Variants in SEH1L observed in about 807,000 individuals in gnomAD.
SEH1L encodes the protein SEH1 like nucleoporin.
A neutral mutation model predicts 49.5 loss-of-function variants in SEH1L; 18 were observed. The ratio of observed to expected loss-of-function variants is 0.36; its 90% confidence interval spans 0.25 to 0.54. The LOEUF (loss-of-function observed/expected upper bound fraction) is 0.54, where lower values mean the gene tolerates loss of function less well. Among genes scored for constraint, SEH1L ranks in the 20% least tolerant of loss-of-function variants. SEH1L has a pLI of 0.87. For synonymous variants in SEH1L, 169 were observed against 178.1 expected, an observed-to-expected ratio of 0.95 and a Z score of 0.41; for missense variants, 404 against 528.8, an observed-to-expected ratio of 0.76 and a Z score of 2.31.
At chr18:12,949,304 T>C (rs1336780967) in intron 1 of SEH1L, among the ~76,000 whole-genome samples, 1 of 152,196 alleles carries the variant, frequency 6.6e-6, no homozygotes, top group Non-Finnish European at 1.5e-5. Flanking sequence ...TGAAGGATAG[T>C]TTATCCTTTT....
At chr18:12,957,769 A>G (rs1476807274) in intron 3 of SEH1L, among the ~76,000 whole-genome samples, 1 of 152,168 alleles carries the variant, frequency 6.6e-6, no homozygotes, top group Admixed American at 6.5e-5. Flanking sequence ...GCATGATACT[A>G]CGTTAGAGCC....
chr18:12,984,637 G>A (rs1217448238), intron 8 of SEH1L: 1 of 154,858 alleles, frequency 6.5e-6, no homozygotes, highest in African/African-American at 2.4e-5. Flanking sequence ...TTTGGCTTTT[G>A]TGTTTAAAAC....
intron 6 of SEH1L, among the ~76,000 whole-genome samples, chr18:12,981,023 A>T: frequency 6.8e-6 from 1 of 147,350 alleles, no homozygotes; most frequent in Non-Finnish European, 1.5e-5. Context: ...CACTTCTCAG[A>T]CGGTGTGGCT....
chr18:12,958,631 C>G (rs1186950415), intron 3 of SEH1L, among the ~76,000 whole-genome samples: 1 of 152,154 alleles, frequency 6.6e-6, no homozygotes, highest in Non-Finnish European at 1.5e-5. Flanking sequence ...GCTTATTTCA[C>G]TAAGTAAAAT....
chr18:12,956,462 AAAAAAG>A (rs1354240957), intron 3 of SEH1L, among the ~76,000 whole-genome samples: 1,533 of 150,894 alleles, frequency 0.01, 28 homozygotes, highest in African/African-American at 0.035. Flanking sequence ...ATCAAAAAAA[AAAAAAG>A]AAAAGAACAG....
At position 12,981,849 on chromosome 18, in the gene SEH1L, C is replaced by CTTTTTTTTTTTTTTTTTTTTTTTTTTT. The variant is rs1467685892; in HGVS notation, c.762-669_762-668insTTTTTTTTTTTTTTTTTTTTTTTTTTT. Among the ~76,000 whole-genome samples, 5 of 102,504 alleles carry CTTTTTTTTTTTTTTTTTTTTTTTTTTT rather than the reference C, an allele frequency of 4.9e-5. 2 individuals are homozygous for CTTTTTTTTTTTTTTTTTTTTTTTTTTT. The highest frequency in any genetic ancestry group is 3.7e-5 in the Non-Finnish European group (2 of 54,560). 67.2% of individuals were successfully genotyped at this position (102,504 alleles called of 152,430 possible). A position where few individuals can be genotyped will look rare whatever the true frequency, so the allele number is the denominator to read the frequency against. Reference sequence around the variant, plus strand: ...ATTCTTTCCTACTTGCTGCCCTGCCCATTTTTTTTTTTTTTTTTTTTTTTT... The same window carrying CTTTTTTTTTTTTTTTTTTTTTTTTTTT: ...ATTCTTTCCTACTTGCTGCCCTGCCCTTTTTTTTTTTTTTTTTTTTTTTTTTTATTTTTTTTTTTTTTTTTTTTTTTT... On this transcript the variant is annotated intron_variant, in intron 6 of 8. Coordinates refer to ENST00000399892, the MANE Select transcript of SEH1L (RefSeq NM_001013437.2).
intron 2 of SEH1L, among the ~76,000 whole-genome samples, chr18:12,953,001 C>G (rs1031790991): frequency 6.6e-6 from 1 of 152,146 alleles, no homozygotes. Context: ...AGGCTGGTCT[C>G]GAACTCCTGA....
chr18:12,956,473 G>T (rs1489326231), intron 3 of SEH1L, among the ~76,000 whole-genome samples: 1 of 142,540 alleles, frequency 7.0e-6, no homozygotes, highest in Non-Finnish European at 1.5e-5. Flanking sequence ...AAAAAGAAAA[G>T]AACAGATACT....
At chr18:12,981,327 C>G (rs1390056036) in intron 6 of SEH1L, among the ~76,000 whole-genome samples, 1 of 152,188 alleles carries the variant, frequency 6.6e-6, no homozygotes, top group Non-Finnish European at 1.5e-5. Context: ...GCTGCAATCT[C>G]GGCACTTTGG....
Position 12,963,379 on chromosome 18 carries a change from T to TACATATTAAACCTCTGATA in SEH1L, c.521+13_521+31dup, listed in dbSNP as rs776887211. On this transcript the variant is annotated intron_variant, in intron 4 of 8. Coordinates refer to ENST00000399892, the MANE Select transcript of SEH1L (RefSeq NM_001013437.2). ...TTCTTGGAACCCTTCAAGGTAAGTT[T>TACATATTAAACCTCTGATA]ACATATTAAACCTCTGATAACATCC... 5.6e-6 allele frequency: 9 copies of TACATATTAAACCTCTGATA among 1,603,918 alleles called. No individual in the cohort carries two copies. In the Admixed American group the frequency reaches 8.3e-5, roughly 15 times the overall value.
chr18:12,985,601 A>G (rs8566), intron 8 of SEH1L: 3 of 1,043,908 alleles, frequency 2.9e-6, no homozygotes, highest in Non-Finnish European at 3.5e-6. Context: ...GAGGAGGGGA[A>G]TACCACTTTA....
At position 12,963,244 on chromosome 18, in the gene SEH1L, A is replaced by G. The variant is rs774876682; in HGVS notation, c.394A>G (p.Thr132Ala). ...CAAGCACATGGGTCTTATGTTAGCA[A>G]CCTGTTCCGCAGATGGTATAGTAAG... is the stretch of plus-strand genomic sequence containing the variant. ...APKHMGLMLA[T>A]CSADGIVRIY... is the part of the protein sequence containing the mutation. The change falls in exon 4 of 9, where the codon ACC becomes GCC. Residue 132 changes from threonine (T) to alanine (A), a missense_variant. By Grantham distance (58) the Thr-to-Ala change is moderately conservative. Coordinates refer to ENST00000399892, the MANE Select transcript of SEH1L (RefSeq NM_001013437.2). 5.6e-6 allele frequency: 9 copies of G among 1,613,996 alleles called. No homozygotes were observed. The African/African-American group carries it at 1.2e-4, about 22-fold the overall frequency.
At chr18:12,957,799 C>T (rs1020030344) in intron 3 of SEH1L, among the ~76,000 whole-genome samples, 1 of 152,154 alleles carries the variant, frequency 6.6e-6, no homozygotes, top group African/African-American at 2.4e-5. Flanking sequence ...TCATTGCAGT[C>T]TCAACCTCCT....
chr18:12,955,147 C>A (rs182717611), intron 2 of SEH1L, among the ~76,000 whole-genome samples: 16 of 151,326 alleles, frequency 1.1e-4, no homozygotes, highest in Non-Finnish European at 2.1e-4. Flanking sequence ...TGAAGCAACT[C>A]TCCAACTATC....
chr18:12,983,580 A>G (rs1283721767), intron 7 of SEH1L, among the ~76,000 whole-genome samples: 1 of 152,242 alleles, frequency 6.6e-6, no homozygotes, highest in East Asian at 1.9e-4. Flanking sequence ...TGGATAAGCC[A>G]CTGAAGCTCC....
chr18:12,963,870 G>A (rs1468098581), intron 4 of SEH1L, among the ~76,000 whole-genome samples: 3 of 152,144 alleles, frequency 2.0e-5, no homozygotes, highest in African/African-American at 7.2e-5. Flanking sequence ...GCGCCACCAC[G>A]TCTGCCTAAT....
chr18:12,983,987 C>A, intron 7 of SEH1L, 53 bp from the exon 8 acceptor site: 1 of 1,442,854 alleles, frequency 6.9e-7, no homozygotes, highest in Non-Finnish European at 9.7e-7. Flanking sequence ...CAGATTTGTG[C>A]CCTTAGGCAT....
chr18:12,951,977 T>A (rs947094017), intron 2 of SEH1L, 72 bp downstream of exon 2: 5 of 876,116 alleles, frequency 5.7e-6, no homozygotes, highest in African/African-American at 1.8e-5. Context: ...ATCTATGAAT[T>A]GTTTTGAGAA....
chr18:12,972,281 A>G (rs1467075141), intron 5 of SEH1L: 1 of 152,208 alleles, frequency 6.6e-6, no homozygotes, highest in Non-Finnish European at 1.5e-5. Flanking sequence ...GAAGGTGTTA[A>G]GATGATTTCC....
Sources: gnomAD v4.1 joint callset for allele counts (sites outside exome capture counted in the v4.1 genomes callset) on GRCh38, gnomAD v4.1.1 for gene constraint, MANE v1.5 for transcripts, NCBI Gene and HGNC (gene_info 2026-07-23, HGNC 2026-07-21) for gene names.